BAZ2B: variants seen among roughly 807,000 people sequenced by gnomAD.
BAZ2B encodes bromodomain adjacent to zinc finger domain protein 2B.
A neutral mutation model predicts 246.0 loss-of-function variants in BAZ2B; 91 were observed. The ratio of observed to expected loss-of-function variants is 0.37; its 90% CI spans 0.31 to 0.44. The LOEUF is 0.44. BAZ2B is among the 20% of genes least tolerant of loss of function. The pLI, the probability that BAZ2B is intolerant of heterozygous loss-of-function variation, is 1.00. For missense variants in BAZ2B, 2,332 were observed against 2,533.7 expected (o/e 0.92, Z 1.71); for synonymous variants, 855 against 860.0 (o/e 0.99, Z 0.10).
chr2:159,346,109 A>G (rs1208546628), intron 31 of BAZ2B, among the ~76,000 whole-genome samples: 1 of 152,200 alleles, frequency 6.6e-6, no homozygotes, highest in Non-Finnish European at 1.5e-5. Flanking sequence ...GCACTTTTAT[A>G]CTGTATTATA....
At chr2:159,628,839 A>C in the BAZ2B span, among the ~76,000 whole-genome samples, 1 of 152,234 alleles carries the variant, frequency 6.6e-6, no homozygotes, top group African/African-American at 2.4e-5. Flanking sequence ...TAAACTAAGG[A>C]GCTTCTGCAC....
chr2:159,472,132 C>T (rs950580373), intron 3 of BAZ2B, among the ~76,000 whole-genome samples: 1 of 152,088 alleles, frequency 6.6e-6, no homozygotes, highest in African/African-American at 2.4e-5. Context: ...CTCTTATTTC[C>T]TCGAGCAGTG....
intron 22 of BAZ2B, 112 bp downstream of exon 22, chr2:159,386,241 T>C: frequency 8.4e-7 from 1 of 1,189,218 alleles, no homozygotes; most frequent in South Asian, 1.7e-5. Context: ...TTGTGAGACA[T>C]TATGTGGAAA....
intron 2 of BAZ2B, among the ~76,000 whole-genome samples, chr2:159,487,806 A>C (rs2080006950): frequency 6.6e-6 from 1 of 151,950 alleles, no homozygotes; most frequent in East Asian, 1.9e-4. Context: ...GAATTTAAAA[A>C]AATGAACAAA....
In BAZ2B at chr2:159,385,323, C is replaced by T. The variant is rs201198370; in HGVS notation, c.3518G>A (p.Arg1173Gln). Reference protein sequence around the residue: ...GEHLLNVGVNRDNVSEILQIF... With the variant: ...GEHLLNVGVNQDNVSEILQIF... ...CTGTAAAATCTCGGAAACATTGTCT[C>T]GATTCACACCAACATTCAGCAAATG... Residue 1173 changes from arginine to glutamine, a missense_variant, in exon 23 of 37, where the codon CGA becomes CAA. Around this residue, in one of 9 missense-constraint regions of BAZ2B, gnomAD observed 328 missense variants for 410.4 expected, o/e 0.80. Coordinates refer to ENST00000392783, the MANE Select transcript of BAZ2B (RefSeq NM_013450.4). The T allele has an allele frequency of 6.8e-5, 109 of 1,612,962 alleles. 1 individual carries two copies. The highest frequency in any genetic ancestry group is 8.4e-5 in the Non-Finnish European group (99 of 1,179,566).
chr2:159,475,481 C>T (rs1012889489), intron 3 of BAZ2B, among the ~76,000 whole-genome samples: 2 of 152,094 alleles, frequency 1.3e-5, no homozygotes, highest in Admixed American at 6.5e-5. Context: ...TTAGCTTCAT[C>T]GCATTGGTTT....
At chr2:159,503,885 T>C (rs1031560086) in intron 2 of BAZ2B, among the ~76,000 whole-genome samples, 1 of 152,164 alleles carries the variant, frequency 6.6e-6, no homozygotes, top group Non-Finnish European at 1.5e-5. Context: ...CTGGCCGATA[T>C]CTGGCTTCTT....
At chr2:159,550,475 C>T (rs561143881) in intron 2 of BAZ2B, among the ~76,000 whole-genome samples, 2 of 152,268 alleles carry the variant, frequency 1.3e-5, no homozygotes, top group East Asian at 3.9e-4. Context: ...GTTGCACACA[C>T]TACTTCTGCC....
chr2:159,420,972 T>C (rs1428016740), intron 13 of BAZ2B, among the ~76,000 whole-genome samples: 1 of 152,128 alleles, frequency 6.6e-6, no homozygotes, highest in Non-Finnish European at 1.5e-5. Flanking sequence ...TTATATAGAG[T>C]ATTACAATTG....
chr2:159,353,029 A>G (rs1411344903), intron 27 of BAZ2B, among the ~76,000 whole-genome samples: 1 of 152,236 alleles, frequency 6.6e-6, no homozygotes. Context: ...AAATAAAAGG[A>G]TGAATTTAAT....
At chr2:159,436,656 C>G (rs1300745351) in intron 8 of BAZ2B, among the ~76,000 whole-genome samples, 1 of 152,062 alleles carries the variant, frequency 6.6e-6, no homozygotes. Context: ...GAGGCTGAGG[C>G]GGGAGAATGG....
chr2:159,389,564 T>C (rs1225687089), intron 20 of BAZ2B, 79 bp from the exon 21 acceptor site: 7 of 1,249,520 alleles, frequency 5.6e-6, no homozygotes, highest in African/African-American at 3.1e-5. Context: ...TGTAGCAACA[T>C]TGAATTATTT....
At chr2:159,707,786 T>C in the BAZ2B span, among the ~76,000 whole-genome samples, 142,102 of 152,062 alleles carry the variant, frequency 0.93, 66,522 homozygotes, top group African/African-American at 0.97. Context: ...GAGATCACAC[T>C]ATTGCACTCC....
At chr2:159,330,064 A>G (rs2064459086) in intron 34 of BAZ2B, among the ~76,000 whole-genome samples, 1 of 152,256 alleles carries the variant, frequency 6.6e-6, no homozygotes, top group Non-Finnish European at 1.5e-5. Flanking sequence ...AAAAATGATC[A>G]ATGAGAATAA....
rs1323069105 is a variant in BAZ2B, at chr2:159,428,041, T to C, written c.2366A>G (p.Tyr789Cys). 5 of 1,612,156 alleles carry C rather than the reference T, an allele frequency of 3.1e-6. No homozygotes were observed. The highest frequency in any genetic ancestry group is 3.3e-5 in the Admixed American group (2 of 59,872). Reference protein sequence around the residue: ...KLRQYPEVIKYLSRNGIMDIS... With the variant: ...KLRQYPEVIKCLSRNGIMDIS... Reference sequence around the variant, plus strand: ...ATCCATTATTCCATTTCTGCTGAGATACTGAAAAAATCACATATTTTTCCA... The same window carrying C: ...ATCCATTATTCCATTTCTGCTGAGACACTGAAAAAATCACATATTTTTCCA... Residue 789 changes from tyrosine to cysteine, a missense_variant and splice_region_variant, in exon 13 of 37, where the codon TAT becomes TGT. Around this residue, in one of 9 missense-constraint regions of BAZ2B, gnomAD observed 651 missense variants for 650.9 expected, o/e 1.00. Coordinates refer to ENST00000392783, the MANE Select transcript of BAZ2B (RefSeq NM_013450.4).
At chr2:159,454,382 T>C (rs549512682) in intron 3 of BAZ2B, among the ~76,000 whole-genome samples, 77 of 152,306 alleles carry the variant, frequency 5.1e-4, no homozygotes, top group African/African-American at 1.7e-3. Context: ...CATGCAAACA[T>C]TGTACAGTGT....
At chr2:159,352,323 T>C (rs896434857) in intron 27 of BAZ2B, among the ~76,000 whole-genome samples, 4 of 152,188 alleles carry the variant, frequency 2.6e-5, no homozygotes, top group African/African-American at 9.7e-5. Flanking sequence ...GATCACCTTA[T>C]CTAAAATTAG....
At chr2:159,564,041 C>G (rs1425219320) in intron 1 of BAZ2B, among the ~76,000 whole-genome samples, 2 of 152,184 alleles carry the variant, frequency 1.3e-5, no homozygotes, top group African/African-American at 4.8e-5. Context: ...TACATTTTAG[C>G]AGTAGAGACC....
intron 2 of BAZ2B, among the ~76,000 whole-genome samples, chr2:159,488,711 G>C (rs1255888190): frequency 6.6e-6 from 1 of 151,792 alleles, no homozygotes; most frequent in African/African-American, 2.4e-5. Flanking sequence ...TTTTTTTAGG[G>C]GGAAGAACTA....
Sources: gnomAD v4.1 joint callset for allele counts (sites outside exome capture counted in the v4.1 genomes callset) on GRCh38, gnomAD v4.1.1 for gene constraint, gnomAD v4.1.1 regional missense constraint, MANE v1.5 for transcripts, NCBI Gene and HGNC (gene_info 2026-07-23, HGNC 2026-07-21) for gene names.